The following L3MBTL4 variants were observed in gnomAD, a reference collection of about 807,000 sequenced individuals.
L3MBTL4 encodes L3MBTL histone methyl-lysine binding protein 4, also known as lethal(3)malignant brain tumor-like protein 4.
Under a neutral mutation model 84.5 loss-of-function variants are expected in L3MBTL4, and 70 were observed. The ratio of observed to expected loss-of-function variants is 0.83; its 90% confidence interval spans 0.68 to 1.01. The LOEUF (loss-of-function observed/expected upper bound fraction) is 1.01. Among genes scored for constraint, L3MBTL4 ranks in the 50% least tolerant of loss-of-function variants. The pLI, the probability that L3MBTL4 is intolerant of heterozygous loss-of-function variation, is 0.00. For missense variants in L3MBTL4, 715 were observed against 754.8 expected, an observed-to-expected ratio of 0.95 and a Z score of 0.62; for synonymous variants, 274 against 259.8, an observed-to-expected ratio of 1.05 and a Z score of -0.52.
intron 16 of L3MBTL4, among the ~76,000 whole-genome samples, chr18:6,071,147 T>G (rs1038623203): frequency 1.3e-5 from 2 of 152,048 alleles, no homozygotes; most frequent in Admixed American, 1.3e-4. Context: ...TCCCAGCACT[T>G]TGGGAGGCCA....
chr18:6,301,495 G>A (rs2050337700), intron 4 of L3MBTL4, among the ~76,000 whole-genome samples: 1 of 152,108 alleles, frequency 6.6e-6, no homozygotes, highest in Non-Finnish European at 1.5e-5. Context: ...ATTCATTTTA[G>A]AGAAAATGCA....
chr18:6,165,619 C>G (rs2043609152), intron 13 of L3MBTL4, among the ~76,000 whole-genome samples: 1 of 152,122 alleles, frequency 6.6e-6, no homozygotes, highest in Admixed American at 6.5e-5. Context: ...ACTTTACAGA[C>G]AAGCAAACAC....
chr18:6,053,200 A>G (rs1172594645), intron 16 of L3MBTL4, among the ~76,000 whole-genome samples: 2 of 152,218 alleles, frequency 1.3e-5, no homozygotes, highest in East Asian at 1.9e-4. Flanking sequence ...TTGCATAGCT[A>G]AAATACTAAT....
chr18:6,163,266 G>GGGT (rs796834652), intron 13 of L3MBTL4, among the ~76,000 whole-genome samples: 1,444 of 96,308 alleles, frequency 0.015, 5 homozygotes, highest in Non-Finnish European at 0.025. Context: ...GTGTGGGGGG[G>GGGT]GGGTGGGTGT....
At chr18:6,183,498 G>A (rs1018867873) in intron 12 of L3MBTL4, among the ~76,000 whole-genome samples, 6 of 152,142 alleles carry the variant, frequency 3.9e-5, no homozygotes, top group Non-Finnish European at 5.9e-5. Context: ...CTTTTCAGGC[G>A]ACATTGTTTC....
At chr18:6,173,280 C>T (rs1194683625) in intron 12 of L3MBTL4, among the ~76,000 whole-genome samples, 1 of 152,106 alleles carries the variant, frequency 6.6e-6, no homozygotes, top group Non-Finnish European at 1.5e-5. Flanking sequence ...CAATAGGCAG[C>T]ACAGAAATGC....
chr18:6,384,489 C>G (rs541624245), intron 1 of L3MBTL4, among the ~76,000 whole-genome samples: 2 of 152,038 alleles, frequency 1.3e-5, no homozygotes, highest in Non-Finnish European at 2.9e-5. Flanking sequence ...AATTGTATAC[C>G]CTGTGCATGT....
intron 16 of L3MBTL4, among the ~76,000 whole-genome samples, chr18:6,000,679 A>G (rs2054171675): frequency 6.6e-6 from 1 of 152,202 alleles, no homozygotes. Context: ...ATGTACTTGA[A>G]TCTATATATC....
chr18:6,240,280 T>C (rs887672311), intron 8 of L3MBTL4, among the ~76,000 whole-genome samples: 5 of 152,096 alleles, frequency 3.3e-5, no homozygotes, highest in Non-Finnish European at 7.4e-5. Context: ...GTGGTGAAGA[T>C]ATGCTCTAAT....
chr18:6,177,357 C>G (rs1013343823), intron 12 of L3MBTL4, among the ~76,000 whole-genome samples: 5 of 152,148 alleles, frequency 3.3e-5, no homozygotes, highest in African/African-American at 4.8e-5. Flanking sequence ...AGCAATGAGG[C>G]AGACACAACA....
intron 11 of L3MBTL4, among the ~76,000 whole-genome samples, chr18:6,213,515 C>T (rs1021916117): frequency 1.3e-5 from 2 of 152,110 alleles, no homozygotes; most frequent in African/African-American, 2.4e-5. Context: ...CGGGTTCAAG[C>T]GATTCTCCTG....
At chr18:6,167,876 G>T (rs911952045) in intron 13 of L3MBTL4, among the ~76,000 whole-genome samples, 6 of 152,170 alleles carry the variant, frequency 3.9e-5, no homozygotes, top group African/African-American at 1.4e-4. Flanking sequence ...TAGGAAAACA[G>T]GAAGTCAAAT....
At chr18:5,956,952 G>A (rs766003772) in intron 18 of L3MBTL4, among the ~76,000 whole-genome samples, 4 of 152,058 alleles carry the variant, frequency 2.6e-5, no homozygotes, top group Admixed American at 6.5e-5. Context: ...CATGGTATAT[G>A]ATAGAGAAAG....
At position 6,414,693 on chromosome 18, in the gene L3MBTL4, T is replaced by C. The variant is rs2056123029; in HGVS notation, c.-91+108A>G. ...GGCCCGGCCCTCGCCGCGGGAGTCG[T>C]GCAGGCCCCTCTACCTGCCCGGGGA... On this transcript the variant is annotated intron_variant, in intron 1 of 18. Transcript: ENST00000317931. The surrounding 1 kb of genome is among the most constrained non-coding windows in gnomAD (Gnocchi z 5.4). The C allele has an allele frequency of 6.6e-6, 1 of 151,876 alleles. No individual in the cohort carries two copies. The highest frequency in any genetic ancestry group is 2.1e-4 in the South Asian group (1 of 4,826). The allele number at this position is 151,876 out of a possible 1,614,324, so 9.4% of individuals were successfully genotyped here.
At chr18:6,155,623 C>A (rs1000900897) in intron 13 of L3MBTL4, among the ~76,000 whole-genome samples, 1 of 152,130 alleles carries the variant, frequency 6.6e-6, no homozygotes, top group African/African-American at 2.4e-5. Context: ...AAACAAATTC[C>A]AATTTTTACT....
At position 6,244,343 on chromosome 18, in the gene L3MBTL4, G is replaced by C. The variant is rs1384201262; in HGVS notation, c.324+141C>G. 5 of 507,248 alleles carry C rather than the reference G, an allele frequency of 9.9e-6. No individual in the cohort carries two copies. In the East Asian group the frequency reaches 1.7e-4, roughly 17 times the overall value. The allele number at this position is 507,248 out of a possible 1,614,324, so 31.4% of individuals were successfully genotyped here. On this transcript the variant is annotated intron_variant, in intron 6 of 18. Coordinates refer to ENST00000317931, the MANE Select transcript of L3MBTL4 (RefSeq NM_001330559.2). The stretch of plus-strand genomic sequence containing the variant: ...GGAAAAAAATTCACTAAGAAACATA[G>C]TTTCACCCATCGCTGACTAAAATAA...
intron 1 of L3MBTL4, among the ~76,000 whole-genome samples, chr18:6,377,802 G>A (rs1438631125): frequency 1.3e-5 from 2 of 152,172 alleles, no homozygotes; most frequent in South Asian, 4.1e-4. Context: ...TGCGTCTTTA[G>A]AGTAGAATGA....
intron 12 of L3MBTL4, among the ~76,000 whole-genome samples, chr18:6,179,602 G>A (rs2044376744): frequency 6.6e-6 from 1 of 152,176 alleles, no homozygotes; most frequent in African/African-American, 2.4e-5. Flanking sequence ...GAGCAAGAGT[G>A]TTGGGTATGG....
intron 4 of L3MBTL4, among the ~76,000 whole-genome samples, chr18:6,294,570 G>A (rs1213097627): frequency 6.6e-6 from 1 of 152,202 alleles, no homozygotes; most frequent in Non-Finnish European, 1.5e-5. Context: ...AGGAAGATGG[G>A]GATGTTTACT....
Sources: gnomAD v4.1 joint callset for allele counts (sites outside exome capture counted in the v4.1 genomes callset) on GRCh38, gnomAD v4.1.1 for gene constraint, Gnocchi (gnomAD v3.1) non-coding constraint, MANE v1.5 for transcripts, NCBI Gene and HGNC (gene_info 2026-07-23, HGNC 2026-07-21) for gene names.